DAO: variants seen among roughly 807,000 people sequenced by gnomAD.
The protein encoded by DAO is D-amino acid oxidase.
A neutral mutation model predicts 50.1 loss-of-function variants in DAO; 51 were observed. That is an observed-to-expected ratio of 1.02 (90% CI 0.81 to 1.29). DAO has a LOEUF of 1.29. DAO is among the 50% of genes most tolerant of loss of function. The pLI is 0.00. For synonymous variants in DAO, 160 were observed against 166.2 expected (o/e 0.96, Z 0.29); for missense variants, 436 against 439.4 (o/e 0.99, Z 0.07).
chr12:108,898,371 G>C lies in DAO; in HGVS notation c.696-308G>C, dbSNP rs538146353. ...GCACCAACCATGTTATCTCAATGGC[G>C]ATGTTACTGGTGTCGTGGAGATGAC... On this transcript the variant is annotated intron_variant, in intron 8 of 10. Transcript: ENST00000228476. 1.0e-5 allele frequency: 4 copies of C among 392,610 alleles called. No individual in the cohort carries two copies. The East Asian group carries it at 1.8e-4, about 17-fold the overall frequency. The allele number at this position is 392,610 out of a possible 1,614,324, so 24.3% of individuals were successfully genotyped here.
At chr12:108,884,196 T>C (rs2039409950) in intron 1 of DAO, among the ~76,000 whole-genome samples, 1 of 152,278 alleles carries the variant, frequency 6.6e-6, no homozygotes, top group Admixed American at 6.5e-5. Flanking sequence ...GTCATGCTCA[T>C]AGCTGCATTT....
intron 7 of DAO, among the ~76,000 whole-genome samples, chr12:108,895,717 G>A (rs55644806): frequency 1.3e-5 from 2 of 149,060 alleles, no homozygotes; most frequent in Non-Finnish European, 3.0e-5. Context: ...AGGGGTATAT[G>A]TGTGGATGCA....
intron 5 of DAO, among the ~76,000 whole-genome samples, chr12:108,891,113 G>A (rs908196595): frequency 2.0e-5 from 3 of 152,042 alleles, no homozygotes; most frequent in Admixed American, 6.6e-5. Flanking sequence ...CAGCCACCAC[G>A]CCCAGCCTGA....
chr12:108,881,199 A>AC (rs2039374289), intron 1 of DAO, among the ~76,000 whole-genome samples: 5 of 75,898 alleles, frequency 6.6e-5, no homozygotes, highest in Non-Finnish European at 1.2e-4. Flanking sequence ...CACACACACA[A>AC]ATATAATAAT....
At position 108,887,477 on chromosome 12, in the gene DAO, T is replaced by G. The variant is rs548617373; in HGVS notation, c.222T>G (p.Tyr74Ter). ...EADWSQQTFD[Y>*]LLSHVHSPNA... ...ACTGGAGCCAACAGACCTTTGACTATCTCCTGAGCCATGTCCATTCTCCCA... is the reference window on the plus strand; with the variant it reads ...ACTGGAGCCAACAGACCTTTGACTAGCTCCTGAGCCATGTCCATTCTCCCA... The change falls in exon 3 of 11, where the codon TAT becomes TAG. Residue 74 changes from tyrosine to a stop codon, truncating the protein, a stop_gained. Coordinates refer to ENST00000228476, the MANE Select transcript of DAO (RefSeq NM_001917.5). LOFTEE classifies it high-confidence loss of function. 1.1e-5 allele frequency: 17 copies of G among 1,613,934 alleles called. No homozygotes were observed. In the Admixed American group the frequency reaches 2.8e-4, roughly 27 times the overall value.
intron 6 of DAO, 72 bp from the exon 7 acceptor site, chr12:108,894,191 G>T: frequency 8.7e-7 from 1 of 1,152,438 alleles, no homozygotes; most frequent in Non-Finnish European, 1.3e-6. Context: ...TAGAAGAAAG[G>T]GGAAGAGAGA....
chr12:108,893,109 G>A (rs1225005061), intron 6 of DAO, 73 bp downstream of exon 6: 17 of 1,414,828 alleles, frequency 1.2e-5, no homozygotes, highest in Admixed American at 3.7e-5. Flanking sequence ...CTGCTGAGTC[G>A]GGGGCTCCCT....
At chr12:108,898,345 T>G (rs1010767378) in intron 8 of DAO, 8 of 367,876 alleles carry the variant, frequency 2.2e-5, no homozygotes, top group African/African-American at 1.7e-4. Context: ...ATAACATGGT[T>G]GCACCAACCA....
Position 108,885,153 on chromosome 12 carries a change from C to T in DAO, c.147C>T (p.Ala49=), listed in dbSNP as rs531749171. 324 of 1,613,372 alleles carry T rather than the reference C, an allele frequency of 2.0e-4. 2 individuals carry two copies. The South Asian group carries it at 3.1e-3, about 15-fold the overall frequency. Residue 49 remains alanine, a synonymous_variant, in exon 2 of 11, where the codon GCC becomes GCT. Transcript: ENST00000228476. ...CACTCACCACCACCGACGTGGCTGC[C>T]GGCCTCTGGCAGCCCTACCTTTCTG... ...FTPLTTTDVA[A]GLWQPYLSDP... is the part of the protein sequence containing the mutation.
intron 9 of DAO, 26 bp downstream of exon 9, chr12:108,898,822 C>T (rs768479691): frequency 2.3e-5 from 35 of 1,533,788 alleles, no homozygotes; most frequent in Admixed American, 6.7e-5. Flanking sequence ...GTAGCAGTGC[C>T]CTAAACCAAG....
intron 6 of DAO, among the ~76,000 whole-genome samples, chr12:108,893,605 C>CTGA (rs1460982665): frequency 6.6e-6 from 1 of 152,208 alleles, no homozygotes; most frequent in Non-Finnish European, 1.5e-5. Flanking sequence ...TGGTCAGGCC[C>CTGA]TGATGGACAC....
chr12:108,894,222 C>T (rs776614494), intron 6 of DAO, 41 bp from the exon 7 acceptor site: 1 of 1,480,776 alleles, frequency 6.8e-7, no homozygotes, highest in Non-Finnish European at 9.4e-7. Context: ...CCAGGGTCTT[C>T]CCCACCTTTC....
At chr12:108,880,542 G>T (rs1453645150) in intron 1 of DAO, among the ~76,000 whole-genome samples, 1 of 152,062 alleles carries the variant, frequency 6.6e-6, no homozygotes, top group Non-Finnish European at 1.5e-5. Context: ...GTACTCAAAT[G>T]GTAGTTATTA....
Position 108,884,660 on chromosome 12 carries a change from G to A in DAO, c.-9-338G>A, listed in dbSNP as rs536008206. On this transcript the variant is annotated intron_variant, in intron 1 of 10. Coordinates refer to ENST00000228476, the MANE Select transcript of DAO (RefSeq NM_001917.5). Reference sequence around the variant, plus strand: ...GCCAGAGCCCATCGCACTAACCACCGGCCTACCCAGCCTACAGTTGGTCGT... The same window carrying A: ...GCCAGAGCCCATCGCACTAACCACCAGCCTACCCAGCCTACAGTTGGTCGT... Among the ~76,000 whole-genome samples the A allele has an allele frequency of 1.5e-4, 23 of 152,138 alleles. No individual in the cohort carries two copies. The South Asian group carries it at 3.3e-3, about 22-fold the overall frequency.
chr12:108,899,650 T>C, intron 10 of DAO, 175 bp downstream of exon 10: 1 of 677,750 alleles, frequency 1.5e-6, no homozygotes, highest in Non-Finnish European at 2.7e-6. Context: ...TCAATGATGG[T>C]TAAGGACCTG....
At chr12:108,894,698 T>G in intron 7 of DAO, among the ~76,000 whole-genome samples, 1 of 152,118 alleles carries the variant, frequency 6.6e-6, no homozygotes, top group East Asian at 1.9e-4. Context: ...TTATTATTAA[T>G]TATTAATTGT....
chr12:108,887,657 G>T (rs1311698212), intron 3 of DAO, 93 bp downstream of exon 3: 1 of 912,210 alleles, frequency 1.1e-6, no homozygotes, highest in African/African-American at 1.6e-5. Context: ...GATGAGGGCG[G>T]GGTGCTTTGA....
At chr12:108,892,883 C>T in intron 5 of DAO, 99 bp from the exon 6 acceptor site, 1 of 1,035,602 alleles carries the variant, frequency 9.7e-7, no homozygotes, top group Admixed American at 1.7e-5. Context: ...CAACTAACGT[C>T]CGCAGAAGGT....
intron 2 of DAO, among the ~76,000 whole-genome samples, 187 bp downstream of exon 2, chr12:108,885,387 T>C (rs1443869783): frequency 2.6e-5 from 4 of 151,998 alleles, no homozygotes; most frequent in Admixed American, 2.6e-4. Flanking sequence ...GGTGGGAGGA[T>C]CACTTGAGGC....
Sources: gnomAD v4.1 joint callset for allele counts (sites outside exome capture counted in the v4.1 genomes callset) on GRCh38, gnomAD v4.1.1 for gene constraint, MANE v1.5 for transcripts, NCBI Gene and HGNC (gene_info 2026-07-23, HGNC 2026-07-21) for gene names.